Variants in HECTD4 observed in about 807,000 individuals in gnomAD.
HECTD4 encodes the protein HECT domain E3 ubiquitin protein ligase 4.
Under a neutral mutation model 471.5 loss-of-function variants are expected in HECTD4, and 114 were observed. The observed-to-expected ratio is 0.24, with a 90% CI of 0.21 to 0.28. HECTD4 has a LOEUF of 0.28. HECTD4 is among the 10% of genes least tolerant of loss of function. HECTD4 has a pLI of 1.00. For missense variants in HECTD4, 3,866 were observed against 5,651.5 expected, an observed-to-expected ratio of 0.68 and a Z score of 10.13; for synonymous variants, 2,012 against 2,256.0, an observed-to-expected ratio of 0.89 and a Z score of 3.07.
At chr12:112,208,029 A>C in intron 51 of HECTD4, 29 bp from the exon 52 acceptor site, 1 of 1,606,908 alleles carries the variant, frequency 6.2e-7, no homozygotes, top group Non-Finnish European at 8.5e-7. Context: ...TCATGAACAG[A>C]GAAGGAATAT....
chr12:112,256,971 T>C (rs1165340153), intron 20 of HECTD4: 1 of 152,392 alleles, frequency 6.6e-6, no homozygotes, highest in Non-Finnish European at 1.5e-5. Context: ...ATGACAATTG[T>C]TGAAAACTCC....
chr12:112,236,284 A>T (rs1003273761), intron 35 of HECTD4, among the ~76,000 whole-genome samples: 1 of 152,220 alleles, frequency 6.6e-6, no homozygotes, highest in African/African-American at 2.4e-5. Flanking sequence ...GAAGCATTCT[A>T]TAATAAATGA....
chr12:112,278,228 T>C (rs2034565943), intron 9 of HECTD4, among the ~76,000 whole-genome samples: 1 of 151,918 alleles, frequency 6.6e-6, no homozygotes, highest in African/African-American at 2.4e-5. Flanking sequence ...TGTTGATGAG[T>C]ATGAGGTTTC....
chr12:112,170,025 T>C (rs2031151069), intron 69 of HECTD4: 1 of 536,744 alleles, frequency 1.9e-6, no homozygotes, highest in Admixed American at 3.2e-5. Context: ...CCAGTGACCT[T>C]CTCTCCCTTT....
chr12:112,177,562 G>T (rs931251831), intron 64 of HECTD4, among the ~76,000 whole-genome samples: 1 of 151,688 alleles, frequency 6.6e-6, no homozygotes, highest in Non-Finnish European at 1.5e-5. Flanking sequence ...TTGTATTTTT[G>T]GTAGAGACGA....
intron 1 of HECTD4, among the ~76,000 whole-genome samples, chr12:112,320,111 G>C (rs2035554307): frequency 6.6e-6 from 1 of 151,896 alleles, no homozygotes; most frequent in Non-Finnish European, 1.5e-5. Context: ...GAGGTGGGTG[G>C]ATAGCTTGAG....
At chr12:112,200,177 G>C (rs1181173545) in intron 55 of HECTD4, among the ~76,000 whole-genome samples, 1 of 147,572 alleles carries the variant, frequency 6.8e-6, no homozygotes, top group East Asian at 2.0e-4. Flanking sequence ...TTTTTGAGAC[G>C]GAGTCTCCCT....
intron 1 of HECTD4, among the ~76,000 whole-genome samples, chr12:112,347,977 G>T (rs956208004): frequency 2.4e-4 from 36 of 152,088 alleles, no homozygotes; most frequent in African/African-American, 8.7e-4. Flanking sequence ...CTCTATCTTT[G>T]CCCCAGTCTT....
rs773600252 is a variant in HECTD4, at chr12:112,184,374, G to T, written c.10592C>A (p.Ser3531Tyr). 6.2e-7 allele frequency: 1 copy of T among 1,611,142 alleles called. No individual in the cohort carries two copies. The highest frequency in any genetic ancestry group is 8.5e-7 in the Non-Finnish European group (1 of 1,179,286). The part of the protein sequence containing the change: ...PPGLLEPHAV[S>Y]SQESLDISLC... ...GGAAATGTCCAGGCTTTCCTGGCTG[G>T]ACACCGCGTGGGGCTCCAACAGGCC... The change falls in exon 61 of 76, where the codon TCC (serine) becomes TAC (tyrosine). Residue 3531 changes from serine to tyrosine, a missense_variant. Transcript: ENST00000682272. The surrounding 1 kb of genome is among the most constrained non-coding windows in gnomAD (Gnocchi z 9.1).
Position 112,243,895 on chromosome 12 carries a change from T to C in HECTD4, c.4628A>G (p.Glu1543Gly). 6.2e-7 allele frequency: 1 copy of C among 1,614,014 alleles called. No homozygotes were observed. The highest frequency in any genetic ancestry group is 8.5e-7 in the Non-Finnish European group (1 of 1,179,890). The change falls in exon 30 of 76, where the codon GAA (glutamate) becomes GGA (glycine). Residue 1543 changes from glutamate (E) to glycine (G), a missense_variant. Coordinates refer to ENST00000682272, the MANE Select transcript of HECTD4 (RefSeq NM_001388303.1). This position sits in a 1 kb window ranked among gnomAD's most constrained non-coding sequence, Gnocchi z 6.6. ...TTACCTCTGATTTGCTCTAGTAAATTCCAAATCTTCATTACCAATCATTTC... is the reference window on the plus strand; with the variant it reads ...TTACCTCTGATTTGCTCTAGTAAATCCCAAATCTTCATTACCAATCATTTC... Reference protein sequence around the residue: ...DLEMIGNEDLEFTRANQRRRH... With the variant: ...DLEMIGNEDLGFTRANQRRRH...
At position 112,362,229 on chromosome 12, in the gene HECTD4, T is replaced by C. The variant is rs115935479; in HGVS notation, c.177+19723A>G. ...TTGAAAAGATTTCCGTTTCAGTTGT[T>C]TCAAAGCTGTCCCCATTGATCTGCT... On this transcript the variant is annotated intron_variant, in intron 1 of 75. Coordinates refer to ENST00000682272, the MANE Select transcript of HECTD4 (RefSeq NM_001388303.1). 2.1e-3 allele frequency among the ~76,000 whole-genome samples: 318 copies of C among 152,346 alleles called. 1 individual carries two copies. Among genetic ancestry groups the C allele is most frequent in the Middle Eastern group, 0.01 (3 of 294 alleles).
At chr12:112,353,638 G>A (rs2036283931) in intron 1 of HECTD4, among the ~76,000 whole-genome samples, 1 of 152,044 alleles carries the variant, frequency 6.6e-6, no homozygotes. Context: ...TACCAGTCTG[G>A]CCAATATGGT....
intron 1 of HECTD4, among the ~76,000 whole-genome samples, chr12:112,371,945 A>G (rs1331732816): frequency 6.6e-6 from 1 of 151,774 alleles, no homozygotes; most frequent in Non-Finnish European, 1.5e-5. Flanking sequence ...CAACCAAACA[A>G]ACAAACAAAA....
intron 3 of HECTD4, among the ~76,000 whole-genome samples, chr12:112,313,846 G>A (rs569936265): frequency 6.6e-6 from 1 of 152,206 alleles, no homozygotes; most frequent in Non-Finnish European, 1.5e-5. Context: ...ATATCTGTGT[G>A]TAAAATATAC....
At chr12:112,306,830 T>C (rs1989949) in intron 6 of HECTD4, among the ~76,000 whole-genome samples, 32,229 of 152,084 alleles carry the variant, frequency 0.21, 5,521 homozygotes, top group East Asian at 0.85. Flanking sequence ...TAACTTAGCA[T>C]ATGAGGGCTT....
intron 7 of HECTD4, among the ~76,000 whole-genome samples, chr12:112,293,543 AAATCAATC>A: frequency 6.6e-6 from 1 of 151,196 alleles, no homozygotes; most frequent in East Asian, 2.0e-4. Flanking sequence ...TTCCATCTCA[AAATCAATC>A]AATCAATCAA....
intron 43 of HECTD4, among the ~76,000 whole-genome samples, chr12:112,227,669 G>C (rs988778673): frequency 6.6e-6 from 1 of 151,718 alleles, no homozygotes; most frequent in Non-Finnish European, 1.5e-5. Flanking sequence ...ATGGAGTTTC[G>C]CTCTTGTTGC....
intron 1 of HECTD4, among the ~76,000 whole-genome samples, chr12:112,364,015 A>T (rs1254955852): frequency 6.6e-6 from 1 of 150,714 alleles, no homozygotes; most frequent in Non-Finnish European, 1.5e-5. Context: ...AAAAAAAAAA[A>T]AATCAAAGGT....
chr12:112,210,217 C>T lies in HECTD4; in HGVS notation c.7665G>A (p.Pro2555=), dbSNP rs780360967. ...TKTRANFGSR[P]FAYAEGQAHR... ...GGGCCTGCCCTTCCGCGTAGGCAAA[C>T]GGCCGGGAGCCAAAGTTAGCTCGGG... The change falls in exon 50 of 76, where the codon CCG becomes CCA. Residue 2555 remains proline, a synonymous_variant. Coordinates refer to ENST00000682272, the MANE Select transcript of HECTD4 (RefSeq NM_001388303.1). 2.2e-5 allele frequency: 35 copies of T among 1,613,814 alleles called. No homozygotes were observed. Among genetic ancestry groups the T allele is most frequent in the South Asian group, 4.4e-5 (4 of 91,092 alleles).
Sources: gnomAD v4.1 joint callset for allele counts (sites outside exome capture counted in the v4.1 genomes callset) on GRCh38, gnomAD v4.1.1 for gene constraint, Gnocchi (gnomAD v3.1) non-coding constraint, MANE v1.5 for transcripts, NCBI Gene and HGNC (gene_info 2026-07-23, HGNC 2026-07-21) for gene names.